Variants in ENTREP2 observed in about 807,000 individuals in gnomAD.
ENTREP2 encodes the protein endosomal transmembrane epsin interactor 2.
chr15:29,344,704 G>A, the ENTREP2 span, among the ~76,000 whole-genome samples: 1 of 152,010 alleles, frequency 6.6e-6, no homozygotes, highest in Non-Finnish European at 1.5e-5. Flanking sequence ...GAGAAACACT[G>A]GGCACTCAGA....
At chr15:29,402,146 T>C in the ENTREP2 span, among the ~76,000 whole-genome samples, 15 of 151,980 alleles carry the variant, frequency 9.9e-5, no homozygotes, top group Non-Finnish European at 2.1e-4. Context: ...AACCAAAGGA[T>C]TATGTATTTT....
chr15:29,150,881 A>C, the ENTREP2 span, among the ~76,000 whole-genome samples: 5 of 152,142 alleles, frequency 3.3e-5, no homozygotes, highest in Non-Finnish European at 5.9e-5. Context: ...GTAGGTCTCA[A>C]AGGGGCAAAT....
chr15:29,541,625 C>T, the ENTREP2 span, among the ~76,000 whole-genome samples: 1 of 152,148 alleles, frequency 6.6e-6, no homozygotes, highest in African/African-American at 2.4e-5. Context: ...CAGAATCTCA[C>T]ACCCTTGTCT....
the ENTREP2 span, among the ~76,000 whole-genome samples, chr15:29,587,209 G>A: frequency 6.8e-6 from 1 of 146,402 alleles, no homozygotes; most frequent in Non-Finnish European, 1.5e-5. Flanking sequence ...TCTGTCCACT[G>A]AAAAAATCTA....
the ENTREP2 span, among the ~76,000 whole-genome samples, chr15:29,562,554 C>G: frequency 6.6e-6 from 1 of 152,158 alleles, no homozygotes. Context: ...AGAAGAGACA[C>G]AGGAATTCTT....
chr15:29,494,636 T>C, the ENTREP2 span, among the ~76,000 whole-genome samples: 1 of 152,202 alleles, frequency 6.6e-6, no homozygotes, highest in African/African-American at 2.4e-5. Context: ...AACTGAAAGT[T>C]TGTTCGCTTT....
At chr15:29,145,154 G>C in the ENTREP2 span, among the ~76,000 whole-genome samples, 1 of 152,140 alleles carries the variant, frequency 6.6e-6, no homozygotes, top group Non-Finnish European at 1.5e-5. Flanking sequence ...AATATGAAAA[G>C]GATTACTTAT....
the ENTREP2 span, among the ~76,000 whole-genome samples, chr15:29,557,996 T>C: frequency 1.3e-5 from 2 of 152,168 alleles, no homozygotes; most frequent in South Asian, 2.1e-4. Context: ...GAAACAGCAA[T>C]AAGTCAATCC....
At chr15:29,309,688 C>G in the ENTREP2 span, among the ~76,000 whole-genome samples, 34 of 151,370 alleles carry the variant, frequency 2.2e-4, no homozygotes, top group African/African-American at 8.0e-4. Flanking sequence ...ACTTGGGAGG[C>G]TGATGCAGGA....
chr15:29,291,361 T>C, the ENTREP2 span, among the ~76,000 whole-genome samples: 1 of 152,146 alleles, frequency 6.6e-6, no homozygotes, highest in African/African-American at 2.4e-5. Flanking sequence ...TCTCTCTGGT[T>C]CAACCTCTGT....
the ENTREP2 span, among the ~76,000 whole-genome samples, chr15:29,407,574 T>C: frequency 3.9e-5 from 6 of 151,984 alleles, no homozygotes; most frequent in African/African-American, 1.2e-4. Context: ...CTAGGAGCCA[T>C]AGTGCACCAG....
the ENTREP2 span, among the ~76,000 whole-genome samples, chr15:29,635,019 A>G: frequency 2.6e-5 from 4 of 152,074 alleles, no homozygotes; most frequent in South Asian, 4.2e-4. Flanking sequence ...TATTCTTTGT[A>G]TTTTTAGTAG....
chr15:29,352,506 T>G, the ENTREP2 span, among the ~76,000 whole-genome samples: 693 of 152,270 alleles, frequency 4.6e-3, 1 homozygote, highest in Non-Finnish European at 7.1e-3. Context: ...GAAATTACAT[T>G]CTGAAGCCCT....
the ENTREP2 span, among the ~76,000 whole-genome samples, chr15:29,337,621 G>T: frequency 6.6e-6 from 1 of 152,196 alleles, no homozygotes; most frequent in Non-Finnish European, 1.5e-5. Context: ...ATTCCCTGTG[G>T]CTGAATGCCC....
the ENTREP2 span, among the ~76,000 whole-genome samples, chr15:29,407,960 CTG>C: frequency 6.6e-6 from 1 of 152,096 alleles, no homozygotes; most frequent in Non-Finnish European, 1.5e-5. Flanking sequence ...GATTACAGGC[CTG>C]AGCCACTGCA....
the ENTREP2 span, among the ~76,000 whole-genome samples, chr15:29,409,742 A>C: frequency 1.3e-5 from 2 of 152,052 alleles, no homozygotes; most frequent in African/African-American, 4.8e-5. Context: ...GACTTCAGGC[A>C]TGAGCCACCT....
the ENTREP2 span, among the ~76,000 whole-genome samples, chr15:29,303,040 G>A: frequency 6.6e-6 from 1 of 152,130 alleles, no homozygotes; most frequent in South Asian, 2.1e-4. Flanking sequence ...AGACTCAAAG[G>A]GGCCGCTTCT....
chr15:29,181,497 A>T, the ENTREP2 span, among the ~76,000 whole-genome samples: 1 of 152,196 alleles, frequency 6.6e-6, no homozygotes. Context: ...TTTATGAATA[A>T]TGATGAAAAA....
the ENTREP2 span, among the ~76,000 whole-genome samples, chr15:29,478,324 G>C: frequency 6.6e-6 from 1 of 151,916 alleles, no homozygotes; most frequent in African/African-American, 2.4e-5. Flanking sequence ...ACCGCGTCCA[G>C]CCTAACAATA....
Sources: allele counts gnomAD v4.1 joint callset (sites outside exome capture counted in the v4.1 genomes callset), GRCh38; gene constraint gnomAD v4.1.1; transcripts MANE v1.5; gene names NCBI Gene and HGNC (gene_info 2026-07-23, HGNC 2026-07-21).